The following CDIN1 variants were observed in gnomAD, a reference collection of about 807,000 sequenced individuals.
CDIN1 encodes the protein CDAN1 interacting nuclease 1.
In CDIN1, 33 loss-of-function variants were observed where a neutral mutation model predicts 45.3. That is an observed-to-expected ratio of 0.73 (90% confidence interval 0.55 to 0.97). The LOEUF (loss-of-function observed/expected upper bound fraction) is 0.97. Ranked by LOEUF, CDIN1 falls within the 50% of genes least tolerant of loss-of-function variation. CDIN1 has a pLI of 0.00. For synonymous variants in CDIN1, 118 were observed against 124.4 expected (o/e 0.95, Z 0.34); for missense variants, 303 against 339.4 (o/e 0.89, Z 0.84).
At chr15:36,688,871 G>GT (rs1235898039) in intron 5 of CDIN1, among the ~76,000 whole-genome samples, 2 of 152,190 alleles carry the variant, frequency 1.3e-5, no homozygotes, top group East Asian at 3.8e-4. Context: ...CTTTCATGAA[G>GT]CCTGAGTGGA....
intron 3 of CDIN1, among the ~76,000 whole-genome samples, chr15:36,649,351 A>T (rs2040481536): frequency 6.6e-6 from 1 of 152,220 alleles, no homozygotes; most frequent in Non-Finnish European, 1.5e-5. Context: ...GGATATAAGG[A>T]TGTCATCCTT....
chr15:36,740,314 G>A (rs1056633726), intron 10 of CDIN1, among the ~76,000 whole-genome samples: 4 of 152,032 alleles, frequency 2.6e-5, no homozygotes, highest in African/African-American at 9.7e-5. Context: ...GGGGGGTGGG[G>A]AGTACCACTT....
intron 10 of CDIN1, among the ~76,000 whole-genome samples, chr15:36,804,140 T>C (rs546157156): frequency 3.3e-4 from 50 of 152,058 alleles, no homozygotes; most frequent in Non-Finnish European, 6.2e-4. Context: ...CCTCATGGAG[T>C]TGGCATACAA....
chr15:36,617,237 C>T (rs917224157), intron 1 of CDIN1: 7 of 884,246 alleles, frequency 7.9e-6, no homozygotes, highest in South Asian at 2.6e-5. Flanking sequence ...GCAGCCACAT[C>T]GGGTGCTCAT....
At chr15:36,747,520 G>GAA (rs1269965126) in intron 10 of CDIN1, among the ~76,000 whole-genome samples, 3 of 152,010 alleles carry the variant, frequency 2.0e-5, no homozygotes, top group African/African-American at 7.2e-5. Context: ...AGAATTAAGT[G>GAA]GTTTTCTTTA....
intron 1 of CDIN1, among the ~76,000 whole-genome samples, chr15:36,587,393 T>TC (rs57874139): frequency 0.84 from 127,927 of 151,846 alleles, 54,136 homozygotes; most frequent in Middle Eastern, 0.96. Context: ...CTTCTTGAAA[T>TC]CTCACCTCTC....
At chr15:36,663,877 C>T (rs182201786) in intron 5 of CDIN1, among the ~76,000 whole-genome samples, 97 of 152,174 alleles carry the variant, frequency 6.4e-4, no homozygotes, top group African/African-American at 1.9e-3. Context: ...TGTTGTTGAC[C>T]GCAGTTAAGA....
intron 10 of CDIN1, among the ~76,000 whole-genome samples, chr15:36,788,820 C>A (rs942774654): frequency 5.3e-5 from 8 of 152,120 alleles, no homozygotes; most frequent in African/African-American, 1.9e-4. Flanking sequence ...TTCACCAAAA[C>A]TTTCCAGGGT....
intron 10 of CDIN1, among the ~76,000 whole-genome samples, chr15:36,777,983 G>A (rs1271398432): frequency 6.6e-6 from 1 of 152,204 alleles, no homozygotes; most frequent in Admixed American, 6.5e-5. Flanking sequence ...GGTAGCCTCT[G>A]AAATGCTTGG....
Position 36,761,076 on chromosome 15 carries a change from G to A in CDIN1, c.717-47248G>A, listed in dbSNP as rs534670506. ...TGCCATCGGTCATTTTATAAGATAC[G>A]CCTTCACCGGCACATCTAAAAGCTA... On this transcript the variant is annotated intron_variant, in intron 10 of 10. Coordinates refer to ENST00000566621, the MANE Select transcript of CDIN1 (RefSeq NM_001321759.2). Among the ~76,000 whole-genome samples the A allele has an allele frequency of 1.1e-4, 17 of 152,076 alleles. No homozygotes were observed. The East Asian group carries it at 2.5e-3, about 23-fold the overall frequency.
chr15:36,597,383 C>A (rs1437016098), intron 1 of CDIN1, among the ~76,000 whole-genome samples: 2 of 152,174 alleles, frequency 1.3e-5, no homozygotes, highest in Admixed American at 6.5e-5. Flanking sequence ...AACCTCTCTA[C>A]CACCATCCCA....
intron 1 of CDIN1, among the ~76,000 whole-genome samples, chr15:36,634,893 G>A (rs529751977): frequency 1.3e-5 from 2 of 152,170 alleles, no homozygotes; most frequent in Admixed American, 1.3e-4. Flanking sequence ...TTTCATCTAT[G>A]AGTAACATAG....
intron 5 of CDIN1, among the ~76,000 whole-genome samples, chr15:36,679,320 A>T (rs371649112): frequency 1.2e-4 from 19 of 152,202 alleles, no homozygotes; most frequent in African/African-American, 4.1e-4. Context: ...CATCAAATCA[A>T]CTATAACATC....
chr15:36,773,628 C>T (rs1018223954), intron 10 of CDIN1, among the ~76,000 whole-genome samples: 5 of 151,954 alleles, frequency 3.3e-5, no homozygotes, highest in African/African-American at 1.2e-4. Flanking sequence ...CAGGCAGAAG[C>T]AGAACAAGTA....
At chr15:36,751,227 T>TATATATATATATATA (rs1491560687) in intron 10 of CDIN1, among the ~76,000 whole-genome samples, 1 of 34,394 alleles carries the variant, frequency 2.9e-5, no homozygotes. Context: ...TATATGCTTA[T>TATATATATATATATA]TTTATATATA....
chr15:36,655,400 C>T (rs537920766), intron 4 of CDIN1, among the ~76,000 whole-genome samples: 6 of 148,540 alleles, frequency 4.0e-5, no homozygotes, highest in Non-Finnish European at 8.9e-5. Flanking sequence ...GATCTTAGCT[C>T]ATTGCAACCT....
chr15:36,703,402 TGATATAC>T (rs1472361536), intron 8 of CDIN1, among the ~76,000 whole-genome samples: 27 of 1,252 alleles, frequency 0.022, no homozygotes, highest in Non-Finnish European at 0.029. Context: ...TATATATATA[TGATATAC>T]ATATATATCA....
intron 3 of CDIN1, among the ~76,000 whole-genome samples, chr15:36,652,328 C>T (rs1048910846): frequency 6.6e-6 from 1 of 152,080 alleles, no homozygotes; most frequent in Non-Finnish European, 1.5e-5. Flanking sequence ...AAATACTTGT[C>T]GGGTAACTGA....
At chr15:36,787,576 T>C (rs1271207585) in intron 10 of CDIN1, among the ~76,000 whole-genome samples, 4 of 152,194 alleles carry the variant, frequency 2.6e-5, no homozygotes, top group Non-Finnish European at 5.9e-5. Context: ...TGTCTTAAGA[T>C]TATAGTGAAT....
Sources: gnomAD v4.1 joint callset for allele counts (sites outside exome capture counted in the v4.1 genomes callset) on GRCh38, gnomAD v4.1.1 for gene constraint, MANE v1.5 for transcripts, NCBI Gene and HGNC (gene_info 2026-07-23, HGNC 2026-07-21) for gene names.